The following ADCY2 variants were observed in gnomAD, a reference collection of about 807,000 sequenced individuals.
ADCY2 encodes adenylate cyclase 2, also known as adenylate cyclase type 2.
Under a neutral mutation model 125.2 loss-of-function variants are expected in ADCY2, and 31 were observed. The observed-to-expected ratio is 0.25, with a 90% CI of 0.19 to 0.33. ADCY2 has a LOEUF of 0.33. ADCY2 is among the 10% of genes least tolerant of loss of function. ADCY2 has a pLI of 1.00. For synonymous variants in ADCY2, 512 were observed against 548.4 expected, an observed-to-expected ratio of 0.93 and a Z score of 0.93; for missense variants, 904 against 1,418.2, an observed-to-expected ratio of 0.64 and a Z score of 5.82.
intron 2 of ADCY2, among the ~76,000 whole-genome samples, chr5:7,441,141 A>T (rs1740999010): frequency 6.6e-6 from 1 of 152,110 alleles, no homozygotes; most frequent in African/African-American, 2.4e-5. Context: ...AAATCAAGTG[A>T]CTGAGGGACA....
intron 4 of ADCY2, among the ~76,000 whole-genome samples, chr5:7,635,331 C>T (rs1457705939): frequency 6.6e-6 from 1 of 152,112 alleles, no homozygotes; most frequent in Non-Finnish European, 1.5e-5. Context: ...GCAGTACAGG[C>T]TGGATACAGG....
chr5:7,557,189 TGTG>T (rs374029402), intron 3 of ADCY2, among the ~76,000 whole-genome samples: 1 of 82,178 alleles, frequency 1.2e-5, no homozygotes, highest in African/African-American at 3.4e-5. Flanking sequence ...ATATTATATA[TGTG>T]ATATATATAA....
chr5:7,439,617 A>C (rs1361067068), intron 2 of ADCY2, among the ~76,000 whole-genome samples: 2 of 152,134 alleles, frequency 1.3e-5, no homozygotes, highest in African/African-American at 4.8e-5. Context: ...AATATTAACT[A>C]TTCTCTATTA....
intron 4 of ADCY2, among the ~76,000 whole-genome samples, chr5:7,658,431 G>GTGTATA (rs59664339): frequency 0.11 from 15,477 of 142,432 alleles, 1,158 homozygotes; most frequent in East Asian, 0.37. Flanking sequence ...GTGTGTGTGT[G>GTGTATA]TATATATATA....
intron 15 of ADCY2, chr5:7,746,355 A>G (rs897160694): frequency 6.6e-6 from 1 of 152,286 alleles, no homozygotes; most frequent in East Asian, 1.9e-4. Flanking sequence ...GATGTAATCC[A>G]TGAAAAAAAT....
At chr5:7,653,144 G>A (rs1739156485) in intron 4 of ADCY2, among the ~76,000 whole-genome samples, 1 of 152,154 alleles carries the variant, frequency 6.6e-6, no homozygotes, top group African/African-American at 2.4e-5. Context: ...GTCAACAGGA[G>A]TTACATTTTA....
chr5:7,738,739 TCAGA>T (rs971962979), intron 14 of ADCY2, among the ~76,000 whole-genome samples: 2 of 151,926 alleles, frequency 1.3e-5, no homozygotes, highest in African/African-American at 4.8e-5. Context: ...TATATTAATA[TCAGA>T]CAAAGTAGTT....
Position 7,520,755 on chromosome 5 carries a change from C to T in ADCY2, c.426C>T (p.Phe142=), listed in dbSNP as rs765137382. 3 of 1,614,174 alleles carry T rather than the reference C, an allele frequency of 1.9e-6. No individual in the cohort carries two copies. The highest frequency in any genetic ancestry group is 2.5e-6 in the Non-Finnish European group (3 of 1,180,028). The change falls in exon 3 of 25, where the codon TTC becomes TTT. Residue 142 remains phenylalanine, a synonymous_variant. Coordinates refer to ENST00000338316, the MANE Select transcript of ADCY2 (RefSeq NM_020546.3). The part of the protein sequence containing the change: ...SPWDQVSFFL[F]IIFVVYTMLP... ...GCCCGTAGGTATCGTTCTTCCTCTT[C>T]ATCATCTTCGTGGTGTACACCATGC...
At chr5:7,516,317 C>CA (rs1343346936) in intron 2 of ADCY2, among the ~76,000 whole-genome samples, 1 of 152,128 alleles carries the variant, frequency 6.6e-6, no homozygotes, top group Non-Finnish European at 1.5e-5. Flanking sequence ...TAAAAGCACC[C>CA]AATTTTTATA....
At chr5:7,800,558 A>T (rs1379215284) in intron 20 of ADCY2, 1 of 152,198 alleles carries the variant, frequency 6.6e-6, no homozygotes, top group East Asian at 1.9e-4. Flanking sequence ...GCTACTCAGT[A>T]GGCTGAGGGA....
At chr5:7,499,101 G>A (rs1466558414) in intron 2 of ADCY2, among the ~76,000 whole-genome samples, 4 of 152,062 alleles carry the variant, frequency 2.6e-5, no homozygotes, top group Non-Finnish European at 4.4e-5. Context: ...TCTGCCTCCC[G>A]GGTTCAAGCA....
chr5:7,706,410 C>G (rs963736871), intron 7 of ADCY2, among the ~76,000 whole-genome samples: 1 of 152,202 alleles, frequency 6.6e-6, no homozygotes, highest in Non-Finnish European at 1.5e-5. Flanking sequence ...GGCAATGTCA[C>G]GTGATTCTAG....
Position 7,743,744 on chromosome 5 carries a change from C to G in ADCY2, c.1948C>G (p.Gln650Glu), listed in dbSNP as rs750944565. ...AFILFVCFAGQLLQCSKKASP... is the reference protein window; with the variant it reads ...AFILFVCFAGELLQCSKKASP... ...CATCCTCTTCGTCTGCTTTGCTGGA[C>G]AGCTTCTGGTAGGTATTCAAATGTG... Residue 650 changes from glutamine (Q) to glutamate (E), a missense_variant, in exon 15 of 25, where the codon CAG becomes GAG. Transcript: ENST00000338316. 6.2e-7 allele frequency: 1 copy of G among 1,613,990 alleles called. No individual in the cohort carries two copies. The highest frequency in any genetic ancestry group is 1.7e-5 in the Admixed American group (1 of 60,012).
chr5:7,581,570 A>G (rs1736434029), intron 3 of ADCY2, among the ~76,000 whole-genome samples: 1 of 152,122 alleles, frequency 6.6e-6, no homozygotes, highest in Non-Finnish European at 1.5e-5. Context: ...CTGTAATCCT[A>G]GCACTTTGGG....
intron 3 of ADCY2, among the ~76,000 whole-genome samples, chr5:7,624,607 A>T (rs1400254522): frequency 2.0e-5 from 3 of 152,180 alleles, no homozygotes; most frequent in African/African-American, 7.2e-5. Context: ...TCTCCTTGGG[A>T]GGACTGTCCT....
intron 4 of ADCY2, among the ~76,000 whole-genome samples, chr5:7,683,900 C>A (rs1164588675): frequency 6.6e-6 from 1 of 152,220 alleles, no homozygotes; most frequent in Non-Finnish European, 1.5e-5. Flanking sequence ...ATGATATTAT[C>A]AGCATCTCCA....
chr5:7,671,250 T>C (rs1739924049), intron 4 of ADCY2, among the ~76,000 whole-genome samples: 1 of 152,212 alleles, frequency 6.6e-6, no homozygotes, highest in African/African-American at 2.4e-5. Flanking sequence ...TTGCTTAAGA[T>C]ATGTGTCATA....
intron 4 of ADCY2, among the ~76,000 whole-genome samples, chr5:7,660,437 C>T (rs1739489655): frequency 6.6e-6 from 1 of 152,082 alleles, no homozygotes; most frequent in Non-Finnish European, 1.5e-5. Context: ...GTGGGGCAGT[C>T]AGGGTTCTCC....
chr5:7,771,136 C>A (rs975176905), intron 17 of ADCY2, among the ~76,000 whole-genome samples: 1 of 152,174 alleles, frequency 6.6e-6, no homozygotes, highest in Non-Finnish European at 1.5e-5. Context: ...TTAGTAACTT[C>A]TCTAAGGTGA....
Sources: allele counts gnomAD v4.1 joint callset (sites outside exome capture counted in the v4.1 genomes callset), GRCh38; gene constraint gnomAD v4.1.1; transcripts MANE v1.5; gene names NCBI Gene and HGNC (gene_info 2026-07-23, HGNC 2026-07-21).